BRAF: variants seen among roughly 807,000 people sequenced by gnomAD.
The protein encoded by BRAF is B-Raf proto-oncogene, serine/threonine kinase.
In BRAF, 16 loss-of-function variants were observed where a neutral mutation model predicts 104.6. The ratio of observed to expected loss-of-function variants is 0.15; its 90% confidence interval spans 0.10 to 0.23. The LOEUF (loss-of-function observed/expected upper bound fraction) is 0.23. Among genes scored for constraint, BRAF ranks in the 10% least tolerant of loss-of-function variants. The pLI, the probability that BRAF is intolerant of heterozygous loss-of-function variation, is 1.00. For synonymous variants in BRAF, 310 were observed against 341.6 expected (o/e 0.91, Z 1.02); for missense variants, 541 against 937.3 (o/e 0.58, Z 5.52).
intron 19 of BRAF, chr7:140,732,502 C>T (rs753430557): frequency 6.6e-6 from 1 of 152,096 alleles, no homozygotes; most frequent in African/African-American, 2.4e-5. Context: ...TTTTAATGTC[C>T]TTTCACTAAC....
At chr7:140,755,997 G>C (rs1001761039) in intron 14 of BRAF, among the ~76,000 whole-genome samples, 2 of 152,054 alleles carry the variant, frequency 1.3e-5, no homozygotes, top group East Asian at 3.8e-4. Context: ...GGAAGATAAA[G>C]GTGTTCTCCA....
At chr7:140,785,908 G>A (rs1801306686) in intron 9 of BRAF, 2 of 395,878 alleles carry the variant, frequency 5.1e-6, no homozygotes, top group African/African-American at 2.1e-5. Flanking sequence ...ATTGAAGCCT[G>A]TTTCATAAAA....
intron 8 of BRAF, among the ~76,000 whole-genome samples, chr7:140,791,388 C>G (rs940396350): frequency 1.2e-4 from 19 of 152,260 alleles, no homozygotes; most frequent in African/African-American, 4.3e-4. Flanking sequence ...TCTTGAAACC[C>G]CTTTTCTTCC....
chr7:140,838,133 T>C (rs1022161578), intron 2 of BRAF, among the ~76,000 whole-genome samples: 1 of 152,202 alleles, frequency 6.6e-6, no homozygotes, highest in African/African-American at 2.4e-5. Flanking sequence ...CAGGAGACAG[T>C]TGTTCAAAAA....
At chr7:140,715,473 A>G (rs2130809031), downstream of BRAF, among the ~76,000 whole-genome samples, 1 of 152,306 alleles carries the variant, frequency 6.6e-6, no homozygotes, top group African/African-American at 2.4e-5. Flanking sequence ...CCCAATATCA[A>G]TAAAAGTTTT....
chr7:140,808,062 T>C lies in BRAF; in HGVS notation c.609A>G (p.Gly203=), dbSNP rs754799789. The part of the protein sequence containing the change: ...ECCAVYRIQD[G]EKKPIGWDTD... ...TGTCCCAACCAATTGGTTTCTTCTC[T>C]CTGAAAAATGTAGACACAAGCCTTT... Residue 203 remains glycine (G), a splice_region_variant and synonymous_variant, in exon 5 of 20, where the codon GGA becomes GGG. Coordinates refer to ENST00000644969, the MANE Select transcript of BRAF (RefSeq NM_001374258.1). 5 of 1,606,740 alleles carry C rather than the reference T, an allele frequency of 3.1e-6. No homozygotes were observed. In the South Asian group the frequency reaches 4.4e-5, roughly 14 times the overall value.
rs1043712949 is a variant in BRAF at position 140,784,093 on chromosome 7, C to T, written c.1298-936G>A. 5.9e-5 allele frequency among the ~76,000 whole-genome samples: 9 copies of T among 151,786 alleles called. No individual in the cohort carries two copies. The East Asian group carries it at 7.8e-4, about 13-fold the overall frequency. ...GCTGAGTAGAACTCAGATGTCCAGG[C>T]AATAGTTCTATATACAGAACAACAA... is the stretch of plus-strand genomic sequence containing the variant. On this transcript the variant is annotated intron_variant, in intron 10 of 19. Transcript: ENST00000644969.
rs549743239 is a variant in BRAF at position 140,817,296 on chromosome 7, C to T, written c.505-8301G>A. Among the ~76,000 whole-genome samples the T allele has an allele frequency of 1.1e-4, 16 of 152,132 alleles. No homozygotes were observed. The South Asian group carries it at 1.5e-3, about 14-fold the overall frequency. On this transcript the variant is annotated intron_variant, in intron 3 of 19. Transcript: ENST00000644969. ...AACTATAAAACACTGATGCAAGAAACTGGAGAGAACACATGAAAAAATGGA... is the reference window on the plus strand; with the variant it reads ...AACTATAAAACACTGATGCAAGAAATTGGAGAGAACACATGAAAAAATGGA...
chr7:140,783,420 C>A, intron 10 of BRAF: 1 of 343,278 alleles, frequency 2.9e-6, no homozygotes, highest in Non-Finnish European at 5.3e-6. Flanking sequence ...GGTGCAAAAT[C>A]TAGGAGAAAA....
intron 7 of BRAF, among the ~76,000 whole-genome samples, chr7:140,795,644 T>C (rs746956067): frequency 3.9e-5 from 6 of 152,236 alleles, no homozygotes; most frequent in African/African-American, 9.6e-5. Flanking sequence ...TGTCAGAATC[T>C]GAACCACACC....
chr7:140,762,121 C>T (rs867728647), intron 14 of BRAF, among the ~76,000 whole-genome samples: 2,376 of 152,148 alleles, frequency 0.016, 53 homozygotes, highest in African/African-American at 0.049. Context: ...TATTCCAAAA[C>T]TGACCACATA....
At chr7:140,734,487 T>C (rs1333802385) in intron 19 of BRAF, 2 of 1,597,806 alleles carry the variant, frequency 1.3e-6, no homozygotes, top group African/African-American at 2.7e-5. Flanking sequence ...TGTTCTTTGG[T>C]TCACCTTAAA....
intron 1 of BRAF, among the ~76,000 whole-genome samples, chr7:140,903,233 C>T (rs751279816): frequency 2.7e-4 from 41 of 151,990 alleles, no homozygotes; most frequent in African/African-American, 8.5e-4. Context: ...GCCTAGGACA[C>T]GATGACTCTT....
At chr7:140,839,246 T>C (rs1464605437) in intron 2 of BRAF, among the ~76,000 whole-genome samples, 1 of 152,136 alleles carries the variant, frequency 6.6e-6, no homozygotes, top group African/African-American at 2.4e-5. Flanking sequence ...AGGTCAACGC[T>C]GGAGGATCAC....
intron 19 of BRAF, chr7:140,731,004 C>G (rs1795915200): frequency 6.6e-6 from 1 of 152,002 alleles, no homozygotes; most frequent in Admixed American, 6.6e-5. Flanking sequence ...TCATGACTTT[C>G]AAGCAGTTTC....
In BRAF at chr7:140,737,792, G is replaced by A. The variant is rs576894583; in HGVS notation, c.2247+2020C>T. ...GGCATATAACAGTATGGTGTGAAAA[G>A]ATATCCTGTAACAAAAATTTCAAAA... On this transcript the variant is annotated intron_variant, in intron 18 of 19. Transcript: ENST00000644969. 4.6e-3 allele frequency among the ~76,000 whole-genome samples: 707 copies of A among 152,230 alleles called. 7 individuals carry two copies. Among genetic ancestry groups the A allele is most frequent in the Non-Finnish European group, 8.3e-3 (562 of 68,010 alleles).
intron 7 of BRAF, among the ~76,000 whole-genome samples, chr7:140,798,186 T>C (rs1446680946): frequency 6.6e-6 from 1 of 152,006 alleles, no homozygotes; most frequent in Admixed American, 6.6e-5. Flanking sequence ...TGGGAGGAAG[T>C]AGGGTTAAAA....
chr7:140,901,051 C>T (rs1815572798), intron 1 of BRAF, among the ~76,000 whole-genome samples: 1 of 152,202 alleles, frequency 6.6e-6, no homozygotes, highest in African/African-American at 2.4e-5. Flanking sequence ...AGATTCTCCT[C>T]TCCTTTTCTA....
At chr7:140,763,518 G>C (rs890374937) in intron 14 of BRAF, among the ~76,000 whole-genome samples, 11 of 152,162 alleles carry the variant, frequency 7.2e-5, no homozygotes, top group African/African-American at 2.7e-4. Context: ...CTGGTTTTTT[G>C]AAAGGATCAA....
Sources: gnomAD v4.1 joint callset for allele counts (sites outside exome capture counted in the v4.1 genomes callset) on GRCh38, gnomAD v4.1.1 for gene constraint, MANE v1.5 for transcripts, NCBI Gene and HGNC (gene_info 2026-07-23, HGNC 2026-07-21) for gene names.